The following BTC variants were observed in gnomAD, a reference collection of about 807,000 sequenced individuals.
BTC encodes probetacellulin.
In BTC, 13 loss-of-function variants were observed where a neutral mutation model predicts 18.1. That is an observed-to-expected ratio of 0.72 (90% confidence interval 0.47 to 1.14). The LOEUF is 1.14. Among genes scored for constraint, BTC ranks in the 50% most tolerant of loss-of-function variants. The probability of loss-of-function intolerance (pLI) is 0.00; values close to 1 mark genes in which losing one functional copy is unlikely to be tolerated. For synonymous variants in BTC, 83 were observed against 79.4 expected (o/e 1.05, Z -0.24); for missense variants, 247 against 224.2 (o/e 1.10, Z -0.65).
At chr4:74,777,058 A>G (rs1419469948) in intron 1 of BTC, among the ~76,000 whole-genome samples, 2 of 152,190 alleles carry the variant, frequency 1.3e-5, no homozygotes, top group Non-Finnish European at 2.9e-5. Flanking sequence ...TCGCACCTCT[A>G]TCATTTTATT....
intron 1 of BTC, among the ~76,000 whole-genome samples, chr4:74,771,354 C>T (rs573200181): frequency 6.6e-6 from 1 of 152,260 alleles, no homozygotes; most frequent in Admixed American, 6.5e-5. Flanking sequence ...AGTAGCCTGT[C>T]CACCAGTTGT....
At chr4:74,754,815 A>G (rs1724552672) in intron 3 of BTC, among the ~76,000 whole-genome samples, 2 of 152,170 alleles carry the variant, frequency 1.3e-5, no homozygotes, top group African/African-American at 4.8e-5. Flanking sequence ...ATCTGCAGAC[A>G]TAGGAACCAA....
chr4:74,779,886 A>G (rs7655399), intron 1 of BTC, among the ~76,000 whole-genome samples: 1 of 152,036 alleles, frequency 6.6e-6, no homozygotes, highest in Non-Finnish European at 1.5e-5. Flanking sequence ...ATATAAATAA[A>G]GAAATATTAG....
At position 74,750,650 on chromosome 4, in the gene BTC, TC is replaced by T; in HGVS notation, c.350del (p.Gly117AspfsTer5). 1 of 1,613,968 alleles carries T rather than the reference TC, an allele frequency of 6.2e-7. No individual in the cohort carries two copies. Among genetic ancestry groups the T allele is most frequent in the Non-Finnish European group, 8.5e-7 (1 of 1,179,936 alleles). ...CTATCAAACAAATCACCAGAATCTG[TC>T]CTCTGTCTCCTCTTAGGTAAAACAA... is the stretch of plus-strand genomic sequence containing the variant. ...VDLFYLRGDR[G>X]QILVICLIAV... On this transcript the variant is annotated frameshift_variant, in exon 4 of 6. Transcript: ENST00000395743. LOFTEE classifies it high-confidence loss of function.
rs751742169 is a variant in BTC, at chr4:74,794,280, G to A, written c.46C>T (p.Leu16Phe). The A allele has an allele frequency of 6.4e-5, 99 of 1,549,786 alleles. No homozygotes were observed. The highest frequency in any genetic ancestry group is 7.8e-5 in the Admixed American group (4 of 50,958). Residue 16 changes from leucine (L) to phenylalanine (F), a missense_variant, in exon 1 of 6, where the codon CTC (leucine) becomes TTC (phenylalanine). Transcript: ENST00000395743. ...RCSGASSLPL[L>F]LALALGLVIL... ...CACTTACCCAGGGCAAGGGCCAGGAGCAGTGGCAGGGAGCTGGCGCCGCTG... is the reference window on the plus strand; with the variant it reads ...CACTTACCCAGGGCAAGGGCCAGGAACAGTGGCAGGGAGCTGGCGCCGCTG...
chr4:74,755,970 G>A lies in BTC; in HGVS notation c.170C>T (p.Thr57Ile). The change falls in exon 3 of 6, where the codon ACC becomes ATC. Residue 57 changes from threonine (T) to isoleucine (I), a missense_variant. Physicochemically the swap from Thr to Ile is moderately conservative, Grantham distance 89. Transcript: ENST00000395743. Reference protein sequence around the residue: ...GDPEENCAATTTQSKRKGHFS... With the variant: ...GDPEENCAATITQSKRKGHFS... ...GTGGCCTTTCCGCTTTGATTGTGTG[G>A]TGGTAGCTGGAAAATGAGAAAAAGT... 6.2e-7 allele frequency: 1 copy of A among 1,613,404 alleles called. No individual in the cohort carries two copies. The highest frequency in any genetic ancestry group is 8.5e-7 in the Non-Finnish European group (1 of 1,179,338).
chr4:74,763,139 C>T (rs1484617490), intron 2 of BTC, among the ~76,000 whole-genome samples: 2 of 152,108 alleles, frequency 1.3e-5, no homozygotes, highest in Non-Finnish European at 2.9e-5. Context: ...AAATGTATAA[C>T]TGTTTTTAAG....
At chr4:74,785,611 C>T (rs1302054397) in intron 1 of BTC, among the ~76,000 whole-genome samples, 4 of 152,154 alleles carry the variant, frequency 2.6e-5, no homozygotes, top group African/African-American at 9.7e-5. Context: ...GAATTTCCTG[C>T]AGTGTCTTTT....
Position 74,750,660 on chromosome 4 carries a change from C to G in BTC, c.341G>C (p.Gly114Ala). 1 of 1,613,966 alleles carries G rather than the reference C, an allele frequency of 6.2e-7. No individual in the cohort carries two copies. The highest frequency in any genetic ancestry group is 8.5e-7 in the Non-Finnish European group (1 of 1,179,938). The change falls in exon 4 of 6, where the codon GGA becomes GCA. Residue 114 changes from glycine (G) to alanine (A), a missense_variant. Transcript: ENST00000395743. ...AATCACCAGAATCTGTCCTCTGTCT[C>G]CTCTTAGGTAAAACAAGTCAACTCT... ...CERVDLFYLR[G>A]DRGQILVICL...
intron 4 of BTC, among the ~76,000 whole-genome samples, chr4:74,748,493 G>A (rs1050526609): frequency 3.3e-5 from 5 of 151,626 alleles, no homozygotes; most frequent in South Asian, 2.1e-4. Flanking sequence ...CCGAGATTGC[G>A]CCACTGCACT....
At position 74,761,117 on chromosome 4, in the gene BTC, A is replaced by G. The variant is rs1406947670; in HGVS notation, c.164-5141T>C. ...CCTTCACCCAGAGCTGCCCTTTTTC[A>G]TCTAATCCCTTTGGAGGAAAAAAAA... On this transcript the variant is annotated intron_variant, in intron 2 of 5. Transcript: ENST00000395743. Among the ~76,000 whole-genome samples, 3 of 135,002 alleles carry G rather than the reference A, an allele frequency of 2.2e-5. No homozygotes were observed. The East Asian group carries it at 6.7e-4, about 30-fold the overall frequency. The allele number at this position is 135,002 out of a possible 152,430, so 88.6% of individuals were successfully genotyped here. A position where few individuals can be genotyped will look rare whatever the true frequency, so the allele number is the denominator to read the frequency against.
chr4:74,747,694 C>A (rs1374778149), intron 5 of BTC, among the ~76,000 whole-genome samples: 1 of 152,118 alleles, frequency 6.6e-6, no homozygotes, highest in African/African-American at 2.4e-5. Context: ...GTGGTAAATG[C>A]TCAATATATG....
Position 74,794,493 on chromosome 4 carries a change from C to A in BTC, c.-168G>T, listed in dbSNP as rs182548370. Reference sequence around the variant, plus strand: ...CCCTGGCTACAAGGCAGGGAAACACCCAGGGCGGGAGGCCGGCCGGCTCCG... The same window carrying A: ...CCCTGGCTACAAGGCAGGGAAACACACAGGGCGGGAGGCCGGCCGGCTCCG... On this transcript the variant is annotated 5_prime_UTR_variant, in exon 1 of 6. Transcript: ENST00000395743. The A allele has an allele frequency of 6.8e-3, 5,291 of 776,932 alleles. 35 individuals carry two copies. The highest frequency in any genetic ancestry group is 8.8e-3 in the Non-Finnish European group (4,475 of 509,742). 48.1% of individuals were successfully genotyped at this position (776,932 alleles called of 1,614,324 possible).
chr4:74,748,245 TA>T (rs1216268127), intron 4 of BTC, 96 bp from the exon 5 acceptor site: 3 of 769,088 alleles, frequency 3.9e-6, no homozygotes, highest in East Asian at 2.8e-5. Flanking sequence ...TTTCTTTTTT[TA>T]AAAAAATATT....
chr4:74,781,482 C>T (rs1414632318), intron 1 of BTC, among the ~76,000 whole-genome samples: 3 of 151,784 alleles, frequency 2.0e-5, no homozygotes, highest in South Asian at 2.1e-4. Flanking sequence ...CCTCATAGCT[C>T]ACTCAAGCGT....
At chr4:74,768,083 G>A (rs1251621355) in intron 2 of BTC, among the ~76,000 whole-genome samples, 6 of 152,050 alleles carry the variant, frequency 3.9e-5, no homozygotes, top group Non-Finnish European at 7.4e-5. Flanking sequence ...ACAGAGTTTG[G>A]GCTGTGCAGA....
chr4:74,790,734 G>A (rs956477690), intron 1 of BTC, among the ~76,000 whole-genome samples: 2 of 152,178 alleles, frequency 1.3e-5, no homozygotes, highest in African/African-American at 4.8e-5. Flanking sequence ...GCCAGACACA[G>A]TCCAAAATAA....
At chr4:74,758,938 T>C (rs1465845631) in intron 2 of BTC, among the ~76,000 whole-genome samples, 2 of 152,000 alleles carry the variant, frequency 1.3e-5, no homozygotes, top group Admixed American at 6.6e-5. Context: ...CTGCCACACA[T>C]GCACATAAAT....
intron 3 of BTC, among the ~76,000 whole-genome samples, chr4:74,753,379 G>C (rs527659165): frequency 6.6e-6 from 1 of 152,266 alleles, no homozygotes; most frequent in South Asian, 2.1e-4. Context: ...GCACAGAGAA[G>C]TTAAGGGAAT....
Sources: gnomAD v4.1 joint callset for allele counts (sites outside exome capture counted in the v4.1 genomes callset) on GRCh38, gnomAD v4.1.1 for gene constraint, MANE v1.5 for transcripts, NCBI Gene and HGNC (gene_info 2026-07-23, HGNC 2026-07-21) for gene names.